Variants in EGFLAM observed in about 807,000 individuals in gnomAD.
EGFLAM encodes EGF like, fibronectin type III and laminin G domains, also known as pikachurin.
Under a neutral mutation model 113.1 loss-of-function variants are expected in EGFLAM, and 79 were observed. That is an observed-to-expected ratio of 0.70 (90% CI 0.58 to 0.84). EGFLAM has a LOEUF of 0.84. Ranked by LOEUF, EGFLAM falls within the 40% of genes least tolerant of loss-of-function variation. The pLI is 0.00. For synonymous variants in EGFLAM, 504 were observed against 487.6 expected (o/e 1.03, Z -0.44); for missense variants, 1,265 against 1,291.6 (o/e 0.98, Z 0.32).
intron 18 of EGFLAM, among the ~76,000 whole-genome samples, chr5:38,450,836 G>A (rs984152291): frequency 6.6e-6 from 1 of 152,098 alleles, no homozygotes; most frequent in Non-Finnish European, 1.5e-5. Context: ...TGTCTGAGAC[G>A]CCATCGCTTG....
intron 1 of EGFLAM, among the ~76,000 whole-genome samples, chr5:38,299,254 C>T (rs938934299): frequency 6.6e-6 from 1 of 152,170 alleles, no homozygotes; most frequent in African/African-American, 2.4e-5. Context: ...CTCAGGTGCT[C>T]ATTACTGTGG....
intron 1 of EGFLAM, among the ~76,000 whole-genome samples, chr5:38,320,277 C>T (rs78973665): frequency 0.033 from 5,063 of 152,272 alleles, 108 homozygotes; most frequent in Middle Eastern, 0.058. Flanking sequence ...AGCATCTCCT[C>T]AGAACTTTTT....
intron 19 of EGFLAM, among the ~76,000 whole-genome samples, chr5:38,456,361 C>G (rs1743087163): frequency 6.6e-6 from 1 of 152,184 alleles, no homozygotes. Flanking sequence ...TCACCCCACG[C>G]TGCCTCTCAG....
chr5:38,395,239 CTTTT>C (rs1221649921), intron 6 of EGFLAM, among the ~76,000 whole-genome samples: 15 of 114,660 alleles, frequency 1.3e-4, no homozygotes, highest in African/African-American at 3.6e-4. Context: ...CATGCCTAGC[CTTTT>C]TTTTTTTTTT....
At chr5:38,320,631 T>G (rs114391556) in intron 1 of EGFLAM, among the ~76,000 whole-genome samples, 1,722 of 152,200 alleles carry the variant, frequency 0.011, 36 homozygotes, top group African/African-American at 0.037. Flanking sequence ...TACGTGTGTG[T>G]GTGTATATGT....
At chr5:38,394,644 C>T (rs997716587) in intron 6 of EGFLAM, among the ~76,000 whole-genome samples, 4 of 150,522 alleles carry the variant, frequency 2.7e-5, no homozygotes, top group South Asian at 2.1e-4. Flanking sequence ...CTCCTGACCT[C>T]GTGATCCACC....
At position 38,465,461 on chromosome 5, in the gene EGFLAM, G is replaced by A. The variant is rs1743437276; in HGVS notation, c.*1475G>A. ...AGCACATAATGTAATTCTAAAAGAT[G>A]AATAAACTAGAGAGGTTCACTTTGT... On this transcript the variant is annotated 3_prime_UTR_variant, in exon 22 of 22. Coordinates refer to ENST00000322350, the MANE Select transcript of EGFLAM (RefSeq NM_152403.4). Among the ~76,000 whole-genome samples, 1 of 152,206 alleles carries A rather than the reference G, an allele frequency of 6.6e-6. No individual in the cohort carries two copies. The highest frequency in any genetic ancestry group is 2.4e-5 in the African/African-American group (1 of 41,454).
chr5:38,402,074 T>G (rs1194770058), intron 6 of EGFLAM: 1 of 152,082 alleles, frequency 6.6e-6, no homozygotes. Context: ...TCTGGGAGAA[T>G]AGGTAGGCTG....
Position 38,434,685 on chromosome 5 carries a change from G to T in EGFLAM, c.2167-452G>T, listed in dbSNP as rs146760931. Among the ~76,000 whole-genome samples the T allele has an allele frequency of 3.5e-3, 528 of 152,298 alleles. 3 individuals are homozygous for T. Among genetic ancestry groups the T allele is most frequent in the African/African-American group, 0.012 (497 of 41,576 alleles). On this transcript the variant is annotated intron_variant, in intron 15 of 21. Coordinates refer to ENST00000322350, the MANE Select transcript of EGFLAM (RefSeq NM_152403.4). ...AAGGAACAGAGGGAAGGAGAAAAGG[G>T]CATGGTGAACTACTCTCTGGCTCTG...
chr5:38,383,359 C>T (rs1740566765), intron 6 of EGFLAM, among the ~76,000 whole-genome samples: 1 of 148,162 alleles, frequency 6.7e-6, no homozygotes, highest in Admixed American at 6.7e-5. Context: ...AGAATTACAA[C>T]AATGAAAATT....
At chr5:38,383,121 A>G (rs2112067018) in intron 6 of EGFLAM, among the ~76,000 whole-genome samples, 1 of 152,338 alleles carries the variant, frequency 6.6e-6, no homozygotes, top group Non-Finnish European at 1.5e-5. Context: ...TGCGTCAGAT[A>G]GAGGGCACCT....
intron 17 of EGFLAM, among the ~76,000 whole-genome samples, chr5:38,447,341 C>T (rs114022056): frequency 7.2e-5 from 11 of 152,282 alleles, no homozygotes; most frequent in Non-Finnish European, 1.0e-4. Context: ...CTCTTAACTA[C>T]GTGATCTCAG....
chr5:38,425,221 C>G (rs1741960157), intron 13 of EGFLAM, 129 bp downstream of exon 13: 1 of 1,394,314 alleles, frequency 7.2e-7, no homozygotes, highest in African/African-American at 1.5e-5. Context: ...CTCTCTTACC[C>G]AGGCCGGAGT....
intron 1 of EGFLAM, among the ~76,000 whole-genome samples, chr5:38,265,532 G>A (rs1186209317): frequency 1.3e-5 from 2 of 152,188 alleles, no homozygotes; most frequent in African/African-American, 4.8e-5. Flanking sequence ...ATCGAAAAAG[G>A]GAAAAGGTGA....
At chr5:38,454,300 C>T (rs1743016489) in intron 19 of EGFLAM, among the ~76,000 whole-genome samples, 1 of 152,126 alleles carries the variant, frequency 6.6e-6, no homozygotes, top group Non-Finnish European at 1.5e-5. Context: ...TTTCCGGGAC[C>T]CATGCCCTGA....
chr5:38,435,840 T>C (rs1351041996), intron 16 of EGFLAM, among the ~76,000 whole-genome samples: 2 of 139,218 alleles, frequency 1.4e-5, no homozygotes, highest in African/African-American at 5.6e-5. Context: ...TTTTTTGAGA[T>C]TGAGTCTCGC....
chr5:38,280,135 A>T (rs1231063873), intron 1 of EGFLAM, among the ~76,000 whole-genome samples: 3 of 152,252 alleles, frequency 2.0e-5, no homozygotes. Flanking sequence ...TCACTCAAAA[A>T]TTCTTTTACT....
Position 38,350,536 on chromosome 5 carries a change from A to G in EGFLAM, c.327A>G (p.Glu109=). Residue 109 remains glutamate (E), a synonymous_variant, in exon 4 of 22, where the codon GAA becomes GAG. Transcript: ENST00000322350. Reference sequence around the variant, plus strand: ...TTGGAGATTTGAAACCAGGCACTGAATATCGTGTGAGCATAGCAGCTTACA... The same window carrying G: ...TTGGAGATTTGAAACCAGGCACTGAGTATCGTGTGAGCATAGCAGCTTACA... ...EVIGDLKPGT[E]YRVSIAAYSQ... The G allele has an allele frequency of 1.2e-6, 2 of 1,614,026 alleles. No homozygotes were observed. Among genetic ancestry groups the G allele is most frequent in the Non-Finnish European group, 1.7e-6 (2 of 1,179,938 alleles).
chr5:38,274,520 C>A (rs1214941380), intron 1 of EGFLAM, among the ~76,000 whole-genome samples: 1 of 152,010 alleles, frequency 6.6e-6, no homozygotes, highest in Non-Finnish European at 1.5e-5. Flanking sequence ...CTCAGGAAAA[C>A]ACTTACAGGC....
Sources: gnomAD v4.1 joint callset for allele counts (sites outside exome capture counted in the v4.1 genomes callset) on GRCh38, gnomAD v4.1.1 for gene constraint, MANE v1.5 for transcripts, NCBI Gene and HGNC (gene_info 2026-07-23, HGNC 2026-07-21) for gene names.